PUM2: variants seen among roughly 807,000 people sequenced by gnomAD.
PUM2 encodes pumilio RNA binding family member 2.
Under a neutral mutation model 124.5 loss-of-function variants are expected in PUM2, and 57 were observed. The observed-to-expected ratio is 0.46, with a 90% CI of 0.37 to 0.57. PUM2 has a LOEUF of 0.57. PUM2 is among the 20% of genes least tolerant of loss of function. The pLI is 0.00. For synonymous variants in PUM2, 460 were observed against 446.1 expected (o/e 1.03, Z -0.39); for missense variants, 1,065 against 1,290.6 (o/e 0.83, Z 2.68).
At chr2:20,293,431 G>A (rs1674715775) in intron 9 of PUM2, among the ~76,000 whole-genome samples, 1 of 152,178 alleles carries the variant, frequency 6.6e-6, no homozygotes, top group African/African-American at 2.4e-5. Context: ...TATATTACCC[G>A]AGAGCGGTGG....
intron 1 of PUM2, among the ~76,000 whole-genome samples, chr2:20,330,564 G>A (rs1209134396): frequency 2.0e-5 from 3 of 152,322 alleles, no homozygotes; most frequent in East Asian, 3.9e-4. Context: ...AACTCTTGGA[G>A]GTTCCTGGAG....
intron 1 of PUM2, among the ~76,000 whole-genome samples, chr2:20,338,224 C>G (rs1686518070): frequency 1.3e-5 from 2 of 152,108 alleles, no homozygotes; most frequent in African/African-American, 4.8e-5. Context: ...TGGTAAAACC[C>G]TGTCTCTACT....
chr2:20,307,964 G>T lies in PUM2; in HGVS notation c.883+14C>A. 1 of 1,608,452 alleles carries T rather than the reference G, an allele frequency of 6.2e-7. No homozygotes were observed. The highest frequency in any genetic ancestry group is 1.1e-5 in the South Asian group (1 of 90,658). ...ACAAGACTTTGGTCAAAATGAGAAC[G>T]TATGAAGACTCACCTATATGTGGCT... On this transcript the variant is annotated intron_variant, in intron 7 of 20. Coordinates refer to ENST00000361078, the MANE Select transcript of PUM2 (RefSeq NM_015317.5).
chr2:20,348,417 T>TA (rs1462156020), intron 1 of PUM2, among the ~76,000 whole-genome samples: 1 of 152,210 alleles, frequency 6.6e-6, no homozygotes, highest in Non-Finnish European at 1.5e-5. Flanking sequence ...ACAAGGTATT[T>TA]AAGTTAGGAC....
intron 3 of PUM2, among the ~76,000 whole-genome samples, chr2:20,313,089 A>G (rs985191584): frequency 1.4e-4 from 21 of 152,348 alleles, no homozygotes; most frequent in Admixed American, 1.4e-3. Context: ...ACTTAAATGT[A>G]AGACCTAAAA....
At chr2:20,307,915 A>C in intron 7 of PUM2, 63 bp downstream of exon 7, 2 of 1,561,230 alleles carry the variant, frequency 1.3e-6, no homozygotes, top group South Asian at 1.2e-5. Context: ...AGTAAACGAA[A>C]AGTGAAACAT....
At position 20,327,299 on chromosome 2, in the gene PUM2, C is replaced by T. The variant is rs2148863052; in HGVS notation, c.51+11G>A. 1 of 1,526,574 alleles carries T rather than the reference C, an allele frequency of 6.6e-7. No individual in the cohort carries two copies. The allele number at this position is 1,526,574 out of a possible 1,614,324, so 94.6% of individuals were successfully genotyped here. A position where few individuals can be genotyped will look rare whatever the true frequency, so the allele number is the denominator to read the frequency against. ...GTGAGGTGTAAGTTCTTAGTATTTG[C>T]AAACATTTACCTCTCCCATTCCCCG... On this transcript the variant is annotated intron_variant, in intron 2 of 20. Transcript: ENST00000361078.
intron 1 of PUM2, among the ~76,000 whole-genome samples, chr2:20,334,184 C>T (rs556674155): frequency 2.3e-4 from 35 of 152,192 alleles, no homozygotes; most frequent in South Asian, 1.0e-3. Context: ...TGGTGACATG[C>T]ACCTGTAGTC....
intron 3 of PUM2, among the ~76,000 whole-genome samples, chr2:20,313,674 T>C (rs994815647): frequency 4.6e-5 from 7 of 151,070 alleles, no homozygotes; most frequent in African/African-American, 1.5e-4. Flanking sequence ...TACAAAAAGT[T>C]TAAAAATTAG....
rs953306999 is a variant in PUM2 at position 20,335,952 on chromosome 2, A to C, written c.-18-8574T>G. On this transcript the variant is annotated intron_variant, in intron 1 of 20. Coordinates refer to ENST00000361078, the MANE Select transcript of PUM2 (RefSeq NM_015317.5). ...GGTCCTTACAAAAGTTTCTCCTCTT[A>C]TAAGGCATCCTCTCAACTGACTTAT... is the stretch of plus-strand genomic sequence containing the variant. Among the ~76,000 whole-genome samples, 3 of 152,232 alleles carry C rather than the reference A, an allele frequency of 2.0e-5. No individual in the cohort carries two copies. The East Asian group carries it at 5.8e-4, about 29-fold the overall frequency.
intron 12 of PUM2, among the ~76,000 whole-genome samples, chr2:20,282,059 G>C (rs1450030775): frequency 6.6e-6 from 1 of 152,228 alleles, no homozygotes; most frequent in Non-Finnish European, 1.5e-5. Context: ...TATAGAAACA[G>C]AAAATCTCTT....
At chr2:20,298,552 C>T (rs1322521106) in intron 7 of PUM2, among the ~76,000 whole-genome samples, 4 of 152,128 alleles carry the variant, frequency 2.6e-5, no homozygotes, top group African/African-American at 7.2e-5. Context: ...AATTACTTCA[C>T]GAGACCCTGT....
intron 1 of PUM2, among the ~76,000 whole-genome samples, chr2:20,330,784 T>C (rs1384449989): frequency 6.6e-6 from 1 of 152,254 alleles, no homozygotes; most frequent in Non-Finnish European, 1.5e-5. Flanking sequence ...GAAGTCTATG[T>C]GACAACCTAC....
At chr2:20,280,468 T>G (rs973312305) in intron 12 of PUM2, among the ~76,000 whole-genome samples, 9 of 152,046 alleles carry the variant, frequency 5.9e-5, no homozygotes, top group African/African-American at 2.2e-4. Flanking sequence ...GTCAAAGTGA[T>G]TTTTCTAAAA....
intron 3 of PUM2, among the ~76,000 whole-genome samples, chr2:20,314,625 C>G (rs1462969700): frequency 6.6e-6 from 1 of 152,178 alleles, no homozygotes; most frequent in Non-Finnish European, 1.5e-5. Context: ...AGCCAGTTAT[C>G]ATTTTATTAA....
chr2:20,269,384 G>A (rs1485109692), intron 13 of PUM2, among the ~76,000 whole-genome samples: 1 of 151,828 alleles, frequency 6.6e-6, no homozygotes, highest in Non-Finnish European at 1.5e-5. Context: ...TTTATTTTTA[G>A]TAGAGACAGG....
intron 10 of PUM2, among the ~76,000 whole-genome samples, chr2:20,289,218 A>G (rs888446240): frequency 6.6e-6 from 1 of 152,202 alleles, no homozygotes; most frequent in Non-Finnish European, 1.5e-5. Flanking sequence ...AGGAGGATCA[A>G]TGAGTTACAG....
chr2:20,342,086 G>A (rs941950695), intron 1 of PUM2, among the ~76,000 whole-genome samples: 6 of 144,916 alleles, frequency 4.1e-5, no homozygotes, highest in East Asian at 2.0e-4. Context: ...CGGAGATTGC[G>A]CCACTACACT....
chr2:20,253,849 A>C lies in PUM2; in HGVS notation c.3036T>G (p.Pro1012=). The stretch of plus-strand genomic sequence containing the variant: ...TGTGCATGATTATCTTTCTCTGAGC[A>C]GGTTCAGCCATATCAATCATCTTTT... ...VVQKMIDMAE[P]AQRKIIMHKI... is the part of the protein sequence containing the mutation. Residue 1012 remains proline (P), a synonymous_variant, in exon 20 of 21, where the codon CCT becomes CCG. Transcript: ENST00000361078. 1 of 1,613,292 alleles carries C rather than the reference A, an allele frequency of 6.2e-7. No individual in the cohort carries two copies. The highest frequency in any genetic ancestry group is 1.7e-4 in the Middle Eastern group (1 of 6,052).
Sources: gnomAD v4.1 joint callset for allele counts (sites outside exome capture counted in the v4.1 genomes callset) on GRCh38, gnomAD v4.1.1 for gene constraint, MANE v1.5 for transcripts, NCBI Gene and HGNC (gene_info 2026-07-23, HGNC 2026-07-21) for gene names.